Variants in INTS6 observed in about 807,000 individuals in gnomAD.
INTS6 encodes DEAD box protein.
Under a neutral mutation model 104.9 loss-of-function variants are expected in INTS6, and 16 were observed. The observed-to-expected ratio is 0.15, with a 90% CI of 0.10 to 0.23. INTS6 has a LOEUF of 0.23. INTS6 is among the 10% of genes least tolerant of loss of function. The pLI is 1.00. For synonymous variants in INTS6, 324 were observed against 358.7 expected (o/e 0.90, Z 1.09); for missense variants, 584 against 1,062.8 (o/e 0.55, Z 6.26).
intron 5 of INTS6, among the ~76,000 whole-genome samples, chr13:51,391,182 T>A (rs1283111171): frequency 1.3e-5 from 2 of 152,136 alleles, no homozygotes; most frequent in African/African-American, 4.8e-5. Flanking sequence ...TAACCATCTT[T>A]ACATGCAAAA....
At chr13:51,351,517 C>A (rs1247700008), downstream of INTS6, among the ~76,000 whole-genome samples, 2 of 152,066 alleles carry the variant, frequency 1.3e-5, no homozygotes, top group Admixed American at 6.5e-5. Flanking sequence ...TGTAATAGTT[C>A]TTTATTCTGG....
At chr13:51,395,246 C>T in intron 5 of INTS6, 54 bp downstream of exon 5, 1 of 1,494,756 alleles carries the variant, frequency 6.7e-7, no homozygotes, top group Non-Finnish European at 9.0e-7. Context: ...ACTTTTAAAA[C>T]ATTCAGATAA....
rs1306440859 is a variant in INTS6, at chr13:51,363,680, A to T, written c.*2072T>A. Reference sequence around the variant, plus strand: ...GTATTCTAATTTAACTAATATACCCATTTTTTTTTTAAATGAAAAAAGCCT... The same window carrying T: ...GTATTCTAATTTAACTAATATACCCTTTTTTTTTTTAAATGAAAAAAGCCT... On this transcript the variant is annotated 3_prime_UTR_variant, in exon 18 of 18. Transcript: ENST00000311234. 3 of 148,874 alleles carry T rather than the reference A, an allele frequency of 2.0e-5. No homozygotes were observed. Among genetic ancestry groups the T allele is most frequent in the Admixed American group, 6.7e-5 (1 of 14,910 alleles). 9.2% of individuals were successfully genotyped at this position (148,874 alleles called of 1,614,324 possible). A position where few individuals can be genotyped will look rare whatever the true frequency, so the allele number is the denominator to read the frequency against.
chr13:51,365,909 T>G, intron 17 of INTS6, 64 bp from the exon 18 acceptor site: 1 of 940,210 alleles, frequency 1.1e-6, no homozygotes, highest in Non-Finnish European at 1.5e-6. Context: ...TCAGTATAAT[T>G]TTTTTAAGAA....
At position 51,390,363 on chromosome 13, in the gene INTS6, T is replaced by C. The variant is rs920341557; in HGVS notation, c.614-919A>G. 4.6e-5 allele frequency among the ~76,000 whole-genome samples: 7 copies of C among 151,982 alleles called. No homozygotes were observed. The East Asian group carries it at 7.7e-4, about 17-fold the overall frequency. ...CTCACACTGAAGTAATAAGGATATATTGATTTAAATAAAATATATTATTAA... is the reference window on the plus strand; with the variant it reads ...CTCACACTGAAGTAATAAGGATATACTGATTTAAATAAAATATATTATTAA... On this transcript the variant is annotated intron_variant, in intron 5 of 17. Coordinates refer to ENST00000311234, the MANE Select transcript of INTS6 (RefSeq NM_012141.3).
intron 3 of INTS6, among the ~76,000 whole-genome samples, chr13:51,431,974 A>G (rs1957100028): frequency 6.6e-6 from 1 of 152,096 alleles, no homozygotes; most frequent in African/African-American, 2.4e-5. Flanking sequence ...AAAATATATA[A>G]TAAATTCTAA....
In INTS6 at chr13:51,365,512, A is replaced by G; in HGVS notation, c.*240T>C. On this transcript the variant is annotated 3_prime_UTR_variant, in exon 18 of 18. Coordinates refer to ENST00000311234, the MANE Select transcript of INTS6 (RefSeq NM_012141.3). The stretch of plus-strand genomic sequence containing the variant: ...AATGACAAGCAAGAGATTTGGAGGA[A>G]TATTTTTAGTTTGTTAAATTAAAAA... The G allele has an allele frequency of 4.1e-6, 1 of 241,774 alleles. No individual in the cohort carries two copies. Among genetic ancestry groups the G allele is most frequent in the Middle Eastern group, 1.3e-3 (1 of 744 alleles). 15.0% of individuals were successfully genotyped at this position (241,774 alleles called of 1,614,324 possible). A position where few individuals can be genotyped will look rare whatever the true frequency, so the allele number is the denominator to read the frequency against.
intron 9 of INTS6, among the ~76,000 whole-genome samples, chr13:51,382,954 G>A (rs1184968091): frequency 6.6e-6 from 1 of 152,126 alleles, no homozygotes; most frequent in Non-Finnish European, 1.5e-5. Context: ...GTGTATGCCT[G>A]TAGTCCCAGC....
chr13:51,421,330 T>G (rs1183908945), intron 4 of INTS6: 2 of 984,230 alleles, frequency 2.0e-6, no homozygotes, highest in Non-Finnish European at 2.4e-6. Context: ...GGGCTGCTCC[T>G]TTAGCTGAAA....
chr13:51,361,482 A>G (rs1386144058), downstream of INTS6: 1 of 705,134 alleles, frequency 1.4e-6, no homozygotes, highest in Non-Finnish European at 2.4e-6. Context: ...GGTGTGGTGT[A>G]GTATTTTTTA....
intron 4 of INTS6, among the ~76,000 whole-genome samples, chr13:51,425,542 C>T (rs1349841978): frequency 2.0e-5 from 3 of 152,022 alleles, no homozygotes; most frequent in Admixed American, 2.0e-4. Context: ...CTACTATTAG[C>T]ACTTTCAAGG....
chr13:51,344,230 T>A, the INTS6 span: 1 of 1,592,940 alleles, frequency 6.3e-7, no homozygotes, highest in South Asian at 1.1e-5. Flanking sequence ...ATTGTCAACT[T>A]ATCCCAACTT....
At chr13:51,388,753 C>G (rs1344169085) in intron 6 of INTS6, among the ~76,000 whole-genome samples, 1 of 152,122 alleles carries the variant, frequency 6.6e-6, no homozygotes, top group African/African-American at 2.4e-5. Context: ...TATAAACCAT[C>G]CATTGGTTCT....
intron 4 of INTS6, among the ~76,000 whole-genome samples, chr13:51,406,624 T>C (rs1360685967): frequency 6.6e-6 from 1 of 152,150 alleles, no homozygotes; most frequent in Non-Finnish European, 1.5e-5. Context: ...ACCACTTTTA[T>C]CTCCCTCTCC....
chr13:51,413,071 T>C (rs1956718073), intron 4 of INTS6, among the ~76,000 whole-genome samples: 1 of 152,188 alleles, frequency 6.6e-6, no homozygotes, highest in Non-Finnish European at 1.5e-5. Context: ...GAAGGTATAA[T>C]GGTAATCAAA....
chr13:51,421,199 T>G, intron 4 of INTS6: 1 of 985,766 alleles, frequency 1.0e-6, no homozygotes, highest in East Asian at 1.1e-4. Flanking sequence ...TTCCCCACGA[T>G]CTGACTGCTT....
intron 4 of INTS6, among the ~76,000 whole-genome samples, chr13:51,425,781 TTGATATA>T (rs1466291275): frequency 1.3e-5 from 2 of 152,072 alleles, no homozygotes; most frequent in Non-Finnish European, 2.9e-5. Context: ...ACCAAAACAT[TTGATATA>T]TCAGTTATAT....
chr13:51,392,471 C>T (rs1956260698), intron 5 of INTS6, among the ~76,000 whole-genome samples: 1 of 152,144 alleles, frequency 6.6e-6, no homozygotes, highest in Admixed American at 6.6e-5. Context: ...CCTCTCTAAA[C>T]CTAGCTATTA....
chr13:51,396,959 G>A (rs1397814317), intron 4 of INTS6, among the ~76,000 whole-genome samples: 1 of 152,066 alleles, frequency 6.6e-6, no homozygotes, highest in Admixed American at 6.5e-5. Flanking sequence ...ATGGTGCTTA[G>A]GAAAACCAAA....
Sources: allele counts gnomAD v4.1 joint callset (sites outside exome capture counted in the v4.1 genomes callset), GRCh38; gene constraint gnomAD v4.1.1; transcripts MANE v1.5; gene names NCBI Gene and HGNC (gene_info 2026-07-23, HGNC 2026-07-21).